CMSS1: variants seen among roughly 807,000 people sequenced by gnomAD.
CMSS1 encodes the protein protein CMSS1.
Under a neutral mutation model 43.5 loss-of-function variants are expected in CMSS1, and 33 were observed. The observed-to-expected ratio is 0.76, with a 90% CI of 0.57 to 1.01. The LOEUF is 1.01. CMSS1 is among the 50% of genes least tolerant of loss of function. CMSS1 has a pLI of 0.00. For synonymous variants in CMSS1, 115 were observed against 117.2 expected (o/e 0.98, Z 0.12); for missense variants, 313 against 326.4 (o/e 0.96, Z 0.32).
intron 1 of CMSS1, among the ~76,000 whole-genome samples, chr3:100,070,492 C>T (rs2065742894): frequency 6.6e-6 from 1 of 152,132 alleles, no homozygotes; most frequent in Non-Finnish European, 1.5e-5. Flanking sequence ...AACTTAAATA[C>T]ATTTTAAGGT....
At chr3:99,848,241 A>G in intron 1 of CMSS1, 1 of 1,593,152 alleles carries the variant, frequency 6.3e-7, no homozygotes. Context: ...CCTTGCAAAA[A>G]TATCAGTATG....
rs2066947088 is a variant in CMSS1, at chr3:100,153,968, A to C, written c.154-6462A>C. Among the ~76,000 whole-genome samples, 3 of 151,612 alleles carry C rather than the reference A, an allele frequency of 2.0e-5. No homozygotes were observed. In the South Asian group the frequency reaches 6.2e-4, roughly 32 times the overall value. On this transcript the variant is annotated intron_variant, in intron 2 of 9. Transcript: ENST00000421999. ...TGAATTCAAGCAATTCTCCCACCTCAGCCACCTGAGTAGCTGGGATTACAG... is the reference window on the plus strand; with the variant it reads ...TGAATTCAAGCAATTCTCCCACCTCCGCCACCTGAGTAGCTGGGATTACAG...
intron 1 of CMSS1, among the ~76,000 whole-genome samples, chr3:99,866,926 T>A (rs1417014386): frequency 2.0e-5 from 3 of 152,200 alleles, no homozygotes; most frequent in African/African-American, 7.2e-5. Context: ...TTAAAATTAT[T>A]TTGGTTATCT....
intron 1 of CMSS1, among the ~76,000 whole-genome samples, chr3:99,975,639 A>G (rs1708947931): frequency 6.6e-6 from 1 of 152,160 alleles, no homozygotes; most frequent in African/African-American, 2.4e-5. Context: ...GAAAAAGAGA[A>G]ACTAGGGTAA....
chr3:99,890,538 G>A (rs1482316095), intron 1 of CMSS1, among the ~76,000 whole-genome samples: 2 of 151,986 alleles, frequency 1.3e-5, no homozygotes, highest in Non-Finnish European at 2.9e-5. Context: ...CTACTCTTCA[G>A]TTATTCCATC....
intron 1 of CMSS1, among the ~76,000 whole-genome samples, chr3:99,852,661 G>A (rs1337341600): frequency 1.3e-5 from 2 of 152,060 alleles, no homozygotes; most frequent in Non-Finnish European, 2.9e-5. Flanking sequence ...GGCCAGGATG[G>A]TCTCGATCTC....
chr3:100,050,678 G>A (rs2065356249), intron 1 of CMSS1, among the ~76,000 whole-genome samples: 1 of 152,098 alleles, frequency 6.6e-6, no homozygotes, highest in Admixed American at 6.5e-5. Flanking sequence ...TTACAGGTGT[G>A]CGCCACCTTG....
At chr3:99,948,693 G>C (rs905334248) in intron 1 of CMSS1, among the ~76,000 whole-genome samples, 1 of 146,842 alleles carries the variant, frequency 6.8e-6, no homozygotes, top group Non-Finnish European at 1.5e-5. Flanking sequence ...AGAGGAGAAA[G>C]GAGAGAGAAA....
At chr3:99,930,663 A>G in intron 1 of CMSS1, 1 of 1,223,118 alleles carries the variant, frequency 8.2e-7, no homozygotes, top group Non-Finnish European at 1.2e-6. Context: ...TTTCATGTAC[A>G]CACATGTATG....
chr3:99,844,982 A>T (rs951017325), intron 1 of CMSS1, among the ~76,000 whole-genome samples: 1 of 152,214 alleles, frequency 6.6e-6, no homozygotes, highest in African/African-American at 2.4e-5. Flanking sequence ...TTGATAAATT[A>T]CCCAGTCTCA....
intron 1 of CMSS1, among the ~76,000 whole-genome samples, chr3:100,084,752 ATATT>A (rs1408270258): frequency 1.3e-5 from 2 of 152,218 alleles, no homozygotes; most frequent in Non-Finnish European, 2.9e-5. Flanking sequence ...CGAAAACTGA[ATATT>A]TATAAATCAA....
chr3:100,094,887 A>C lies in CMSS1; in HGVS notation c.65-52086A>C, dbSNP rs189072039. Among the ~76,000 whole-genome samples, 464 of 151,708 alleles carry C rather than the reference A, an allele frequency of 3.1e-3. 4 individuals carry two copies. Among genetic ancestry groups the C allele is most frequent in the African/African-American group, 0.011 (438 of 41,354 alleles). ...GTTTTTTTAGTAGAGACGGGGTTTTATCATATTAGCCAGGATGGTCTTGAT... is the reference window on the plus strand; with the variant it reads ...GTTTTTTTAGTAGAGACGGGGTTTTCTCATATTAGCCAGGATGGTCTTGAT... On this transcript the variant is annotated intron_variant, in intron 1 of 9. Transcript: ENST00000421999.
At chr3:100,144,311 T>C (rs1161053553) in intron 1 of CMSS1, among the ~76,000 whole-genome samples, 3 of 152,192 alleles carry the variant, frequency 2.0e-5, no homozygotes, top group Admixed American at 2.0e-4. Flanking sequence ...TGCTGGGTGA[T>C]ATAGAAAGTC....
At chr3:99,981,842 G>T (rs1709133626) in intron 1 of CMSS1, among the ~76,000 whole-genome samples, 1 of 152,130 alleles carries the variant, frequency 6.6e-6, no homozygotes, top group Non-Finnish European at 1.5e-5. Context: ...AGACAACATT[G>T]CAGAGTCAAG....
chr3:100,120,565 C>T (rs898426484), intron 1 of CMSS1, among the ~76,000 whole-genome samples: 1 of 152,138 alleles, frequency 6.6e-6, no homozygotes, highest in Non-Finnish European at 1.5e-5. Context: ...TTATACCAAC[C>T]GTGCTAAGCG....
At chr3:100,081,869 C>A (rs773993325) in intron 1 of CMSS1, among the ~76,000 whole-genome samples, 17 of 152,180 alleles carry the variant, frequency 1.1e-4, no homozygotes, top group Non-Finnish European at 1.9e-4. Flanking sequence ...TTGGCCTCTA[C>A]CATGCCAGTA....
chr3:99,990,695 C>T (rs973023914), intron 1 of CMSS1, among the ~76,000 whole-genome samples: 1 of 151,846 alleles, frequency 6.6e-6, no homozygotes, highest in African/African-American at 2.4e-5. Flanking sequence ...TTCTGATATG[C>T]AGCCAGAGTT....
At chr3:99,838,149 C>T (rs1942975279) in intron 1 of CMSS1, among the ~76,000 whole-genome samples, 1 of 152,196 alleles carries the variant, frequency 6.6e-6, no homozygotes, top group Non-Finnish European at 1.5e-5. Context: ...ATAAAGTGGA[C>T]ACTGACTGCA....
intron 1 of CMSS1, among the ~76,000 whole-genome samples, chr3:100,007,410 A>G (rs1033093058): frequency 1.3e-5 from 2 of 152,200 alleles, no homozygotes; most frequent in African/African-American, 4.8e-5. Context: ...TTTGTGTGAA[A>G]TATCAAATTT....
Sources: gnomAD v4.1 joint callset for allele counts (sites outside exome capture counted in the v4.1 genomes callset) on GRCh38, gnomAD v4.1.1 for gene constraint, MANE v1.5 for transcripts, NCBI Gene and HGNC (gene_info 2026-07-23, HGNC 2026-07-21) for gene names.